The following PSMC1 variants were observed in gnomAD, a reference collection of about 807,000 sequenced individuals.
PSMC1 encodes the protein 26S proteasome regulatory subunit 4.
A neutral mutation model predicts 49.8 loss-of-function variants in PSMC1; 5 were observed. The observed-to-expected ratio is 0.10, with a 90% CI of 0.05 to 0.21. The LOEUF is 0.21. Ranked by LOEUF, PSMC1 falls within the 10% of genes least tolerant of loss-of-function variation. The pLI is 1.00. For missense variants in PSMC1, 181 were observed against 535.7 expected (o/e 0.34, Z 6.54); for synonymous variants, 155 against 192.1 (o/e 0.81, Z 1.60).
intron 3 of PSMC1, 97 bp from the exon 4 acceptor site, chr14:90,263,221 G>T (rs4904663): frequency 0.59 from 766,495 of 1,301,804 alleles, 227,956 homozygotes; most frequent in Middle Eastern, 0.71. Flanking sequence ...TGAAGCTATC[G>T]CCAACAAAAA....
intron 1 of PSMC1, among the ~76,000 whole-genome samples, chr14:90,258,930 A>G (rs1595038826): frequency 6.6e-6 from 1 of 152,358 alleles, no homozygotes; most frequent in African/African-American, 2.4e-5. Flanking sequence ...GATGCAATCA[A>G]TTGCCAGGTG....
At chr14:90,261,134 C>T (rs1029329534) in intron 3 of PSMC1, among the ~76,000 whole-genome samples, 16 of 152,176 alleles carry the variant, frequency 1.1e-4, no homozygotes, top group Admixed American at 7.9e-4. Flanking sequence ...CCTTGCTCAT[C>T]GGTCACACTG....
At position 90,274,039 on chromosome 14, in the gene PSMC1, G is replaced by A. The variant is rs1013001002; in HGVS notation, c.*1632G>A. 2 of 154,874 alleles carry A rather than the reference G, an allele frequency of 1.3e-5. No individual in the cohort carries two copies. The highest frequency in any genetic ancestry group is 4.8e-5 in the African/African-American group (2 of 41,520). The allele number at this position is 154,874 out of a possible 1,614,324, so 9.6% of individuals were successfully genotyped here. A position where few individuals can be genotyped will look rare whatever the true frequency, so the allele number is the denominator to read the frequency against. ...CCATGTAACATTCACACGTTCCAGG[G>A]CTTAGGGTGTGGCCATCTTTAGGGG... On this transcript the variant is annotated 3_prime_UTR_variant, in exon 11 of 11. Transcript: ENST00000261303.
rs1231939621 is a variant in PSMC1 at position 90,272,664 on chromosome 14, A to C, written c.*257A>C. ...CAGTCTCCACACACACCTACCGCTC[A>C]ACAGCAGCCTGTGGGTGGACCCAGC... On this transcript the variant is annotated 3_prime_UTR_variant, in exon 11 of 11. Transcript: ENST00000261303. The surrounding 1 kb of genome is among the most constrained non-coding windows in gnomAD (Gnocchi z 4.5). 2 of 314,568 alleles carry C rather than the reference A, an allele frequency of 6.4e-6. No individual in the cohort carries two copies. The highest frequency in any genetic ancestry group is 4.4e-5 in the African/African-American group (2 of 45,288). The allele number at this position is 314,568 out of a possible 1,614,324, so 19.5% of individuals were successfully genotyped here.
intron 10 of PSMC1, chr14:90,271,726 C>G (rs575747810): frequency 1.3e-5 from 2 of 152,282 alleles, no homozygotes; most frequent in East Asian, 3.9e-4. Flanking sequence ...CTAGAACCCA[C>G]AGCCCTGACC....
At chr14:90,258,775 G>C (rs1891343045) in intron 1 of PSMC1, among the ~76,000 whole-genome samples, 1 of 152,190 alleles carries the variant, frequency 6.6e-6, no homozygotes, top group Non-Finnish European at 1.5e-5. Context: ...TGATTTTATG[G>C]AATACATTCT....
chr14:90,264,266 T>C (rs1891461879), intron 6 of PSMC1, 97 bp downstream of exon 6: 2 of 1,523,934 alleles, frequency 1.3e-6, no homozygotes, highest in Non-Finnish European at 1.8e-6. Flanking sequence ...GCTTATTTAT[T>C]AATCAAACCA....
At chr14:90,259,628 A>G (rs1566671205) in intron 2 of PSMC1, among the ~76,000 whole-genome samples, 4 of 103,684 alleles carry the variant, frequency 3.9e-5, no homozygotes, top group Admixed American at 1.1e-4. Flanking sequence ...ATTTATTTTC[A>G]TTTGTTATTA....
chr14:90,266,747 C>G (rs1891526617), intron 7 of PSMC1, among the ~76,000 whole-genome samples: 2 of 152,244 alleles, frequency 1.3e-5, no homozygotes, highest in African/African-American at 4.8e-5. Flanking sequence ...GACTTGGCTG[C>G]TTCTGCACGA....
intron 1 of PSMC1, among the ~76,000 whole-genome samples, chr14:90,258,614 G>A (rs1410782275): frequency 1.3e-5 from 2 of 152,216 alleles, no homozygotes; most frequent in Non-Finnish European, 2.9e-5. Flanking sequence ...TGAGAAGAAA[G>A]ACCTGCCCCA....
At position 90,261,399 on chromosome 14, in the gene PSMC1, G is replaced by T. The variant is rs147679942; in HGVS notation, c.154+1188G>T. Among the ~76,000 whole-genome samples, 413 of 152,322 alleles carry T rather than the reference G, an allele frequency of 2.7e-3. 1 individual carries two copies. Among genetic ancestry groups the T allele is most frequent in the Non-Finnish European group, 4.0e-3 (269 of 68,040 alleles). On this transcript the variant is annotated intron_variant, in intron 3 of 10. Transcript: ENST00000261303. ...AGGAAATCAGTAAAACCAGCCATTG[G>T]TCTACCATAATGAATTGGTATGGTA...
chr14:90,260,416 T>C (rs1891374347), intron 3 of PSMC1, among the ~76,000 whole-genome samples: 3 of 152,248 alleles, frequency 2.0e-5, no homozygotes, highest in Admixed American at 6.5e-5. Flanking sequence ...TACAGTATTA[T>C]ATGATTGTGT....
At chr14:90,260,294 G>A in intron 3 of PSMC1, 83 bp downstream of exon 3, 1 of 947,618 alleles carries the variant, frequency 1.1e-6, no homozygotes, top group Non-Finnish European at 1.6e-6. Context: ...TCTGAAAGGG[G>A]TAACAGGAAG....
At chr14:90,261,002 C>G (rs1480519871) in intron 3 of PSMC1, among the ~76,000 whole-genome samples, 3 of 152,188 alleles carry the variant, frequency 2.0e-5, no homozygotes, top group Non-Finnish European at 4.4e-5. Context: ...TATTGAAATT[C>G]AGATCATGCA....
intron 9 of PSMC1, 144 bp downstream of exon 9, chr14:90,269,692 C>T: frequency 1.2e-6 from 1 of 862,020 alleles, no homozygotes; most frequent in Non-Finnish European, 1.8e-6. Flanking sequence ...AATAGGTCCT[C>T]TTGAGATGAG....
chr14:90,270,164 G>A (rs976739448), intron 9 of PSMC1, 34 bp from the exon 10 acceptor site: 3 of 1,607,970 alleles, frequency 1.9e-6, no homozygotes, highest in Non-Finnish European at 2.6e-6. Context: ...GGGTTTGGAT[G>A]TTGGTGTGAC....
rs377171749 is a variant in PSMC1, at chr14:90,266,783, C to G, written c.692-1441C>G. Among the ~76,000 whole-genome samples the G allele has an allele frequency of 3.3e-5, 5 of 152,348 alleles. No homozygotes were observed. The East Asian group carries it at 9.6e-4, about 29-fold the overall frequency. The stretch of plus-strand genomic sequence containing the variant: ...TAACATCCTATCCACTGGAAAGGTC[C>G]TATTTGTTTTCTGTTCACCTTCCCT... On this transcript the variant is annotated intron_variant, in intron 7 of 10. Coordinates refer to ENST00000261303, the MANE Select transcript of PSMC1 (RefSeq NM_002802.3).
intron 7 of PSMC1, among the ~76,000 whole-genome samples, chr14:90,265,594 C>T (rs907249939): frequency 1.3e-5 from 2 of 149,286 alleles, no homozygotes; most frequent in African/African-American, 5.0e-5. Flanking sequence ...GAGGCTGAGG[C>T]AGGAGAATGG....
chr14:90,267,013 GTA>G (rs1463918647), intron 7 of PSMC1, among the ~76,000 whole-genome samples: 1 of 143,850 alleles, frequency 7.0e-6, no homozygotes, highest in African/African-American at 3.0e-5. Flanking sequence ...AACTGCCTCT[GTA>G]TCCTGAGGCA....
Sources: allele counts gnomAD v4.1 joint callset (sites outside exome capture counted in the v4.1 genomes callset), GRCh38; gene constraint gnomAD v4.1.1; non-coding constraint Gnocchi (gnomAD v3.1); transcripts MANE v1.5; gene names NCBI Gene and HGNC (gene_info 2026-07-23, HGNC 2026-07-21).